CNTLN: variants seen among roughly 807,000 people sequenced by gnomAD.
CNTLN encodes centlein, centrosomal protein.
Under a neutral mutation model 180.0 loss-of-function variants are expected in CNTLN, and 212 were observed. The ratio of observed to expected loss-of-function variants is 1.18; its 90% CI spans 1.05 to 1.32. CNTLN has a LOEUF of 1.32. Ranked by LOEUF, CNTLN falls within the 40% of genes most tolerant of loss-of-function variation. CNTLN has a pLI of 0.00. For missense variants in CNTLN, 2,095 were observed against 1,610.9 expected, an observed-to-expected ratio of 1.30 and a Z score of -5.14; for synonymous variants, 722 against 563.1, an observed-to-expected ratio of 1.28 and a Z score of -3.99.
chr9:17,183,522 A>G (rs1821248669), intron 2 of CNTLN, among the ~76,000 whole-genome samples: 1 of 151,858 alleles, frequency 6.6e-6, no homozygotes, highest in African/African-American at 2.4e-5. Flanking sequence ...ATAAGTGTTT[A>G]AATAGAATTG....
intron 2 of CNTLN, among the ~76,000 whole-genome samples, chr9:17,211,781 A>G (rs1587167168): frequency 2.0e-5 from 3 of 152,160 alleles, no homozygotes; most frequent in Admixed American, 2.0e-4. Context: ...ATCCCTTGTA[A>G]GTTGGATTCC....
At chr9:17,437,177 G>A (rs939760207) in intron 18 of CNTLN, among the ~76,000 whole-genome samples, 4 of 152,190 alleles carry the variant, frequency 2.6e-5, no homozygotes, top group East Asian at 1.9e-4. Flanking sequence ...GGAATTGGAC[G>A]TGACTGTCTT....
intron 5 of CNTLN, among the ~76,000 whole-genome samples, chr9:17,258,327 A>G (rs1256270369): frequency 6.7e-6 from 1 of 148,610 alleles, no homozygotes; most frequent in African/African-American, 2.6e-5. Context: ...GTTCTGTTCC[A>G]TTGATCTATA....
intron 12 of CNTLN, among the ~76,000 whole-genome samples, chr9:17,347,048 T>C (rs1821954184): frequency 6.6e-6 from 1 of 152,228 alleles, no homozygotes; most frequent in African/African-American, 2.4e-5. Context: ...TTTTTAGTTC[T>C]AAAATTTCCA....
At chr9:17,413,971 A>T (rs950024627) in intron 16 of CNTLN, among the ~76,000 whole-genome samples, 1 of 152,226 alleles carries the variant, frequency 6.6e-6, no homozygotes, top group African/African-American at 2.4e-5. Flanking sequence ...ATTCTCTTCA[A>T]TAGCTGAACA....
chr9:17,359,825 G>A (rs1564027522), intron 12 of CNTLN, among the ~76,000 whole-genome samples: 2 of 150,346 alleles, frequency 1.3e-5, no homozygotes, highest in Non-Finnish European at 3.0e-5. Flanking sequence ...GCGTGAACCT[G>A]GGAGGCGGAG....
intron 3 of CNTLN, among the ~76,000 whole-genome samples, chr9:17,235,229 T>C (rs1045511654): frequency 3.9e-5 from 6 of 152,198 alleles, no homozygotes; most frequent in African/African-American, 1.4e-4. Context: ...CTTGCCATTT[T>C]AAAAATTTTA....
intron 2 of CNTLN, among the ~76,000 whole-genome samples, chr9:17,213,173 G>C (rs1003303794): frequency 6.6e-6 from 1 of 152,130 alleles, no homozygotes; most frequent in Admixed American, 6.5e-5. Context: ...GATCTCTTGT[G>C]CTTTCTCCTG....
At chr9:17,434,436 C>T (rs184177714) in intron 18 of CNTLN, among the ~76,000 whole-genome samples, 6 of 152,062 alleles carry the variant, frequency 3.9e-5, no homozygotes, top group Admixed American at 3.3e-4. Context: ...CATTTCATTA[C>T]GTTCTTGCTT....
chr9:17,217,400 C>A (rs1823832300), intron 2 of CNTLN, among the ~76,000 whole-genome samples: 1 of 152,194 alleles, frequency 6.6e-6, no homozygotes, highest in Non-Finnish European at 1.5e-5. Flanking sequence ...CATATCGGAG[C>A]ACAAAATATT....
At chr9:17,440,588 C>CAAAAAAAAAAA (rs35350865) in intron 18 of CNTLN, among the ~76,000 whole-genome samples, 13 of 114,652 alleles carry the variant, frequency 1.1e-4, no homozygotes, top group African/African-American at 4.0e-4. Context: ...GACTCCGTCT[C>CAAAAAAAAAAA]AAAAAAAAAA....
intron 10 of CNTLN, among the ~76,000 whole-genome samples, chr9:17,337,542 A>C (rs1821134104): frequency 6.6e-6 from 1 of 152,220 alleles, no homozygotes; most frequent in Non-Finnish European, 1.5e-5. Context: ...CAGAAGGGGC[A>C]GCATTCACTG....
intron 20 of CNTLN, among the ~76,000 whole-genome samples, chr9:17,464,123 TTTC>T (rs1391548571): frequency 6.6e-6 from 1 of 151,498 alleles, no homozygotes; most frequent in African/African-American, 2.4e-5. Context: ...ATAAGATTTT[TTTC>T]TTATCATTTT....
At chr9:17,239,992 C>T (rs565545416) in intron 5 of CNTLN, among the ~76,000 whole-genome samples, 9 of 152,098 alleles carry the variant, frequency 5.9e-5, no homozygotes, top group East Asian at 1.9e-4. Flanking sequence ...TTTCTTCTGG[C>T]CAAAAAGGCC....
the CNTLN span, among the ~76,000 whole-genome samples, chr9:17,519,153 C>G: frequency 6.7e-6 from 1 of 150,238 alleles, no homozygotes; most frequent in Non-Finnish European, 1.5e-5. Context: ...GTCTCAAACT[C>G]TTGGGCTGAG....
chr9:17,235,973 C>G (rs756584500), intron 4 of CNTLN, among the ~76,000 whole-genome samples, 181 bp downstream of exon 4: 25 of 152,112 alleles, frequency 1.6e-4, no homozygotes, highest in Non-Finnish European at 2.6e-4. Context: ...GCCAGAACTC[C>G]AAGCTTTATA....
At chr9:17,150,797 C>G (rs1474241654) in intron 2 of CNTLN, among the ~76,000 whole-genome samples, 1 of 152,070 alleles carries the variant, frequency 6.6e-6, no homozygotes, top group Admixed American at 6.6e-5. Context: ...GAATTTTTTT[C>G]CATTTGTTTG....
chr9:17,164,826 TTTTC>T (rs907120587), intron 2 of CNTLN, among the ~76,000 whole-genome samples: 4 of 151,218 alleles, frequency 2.6e-5, no homozygotes, highest in African/African-American at 7.3e-5. Context: ...TTTTCTTTTT[TTTTC>T]TTTCTTTCTT....
At chr9:17,376,179 C>T (rs1372525779) in intron 13 of CNTLN, among the ~76,000 whole-genome samples, 1 of 152,096 alleles carries the variant, frequency 6.6e-6, no homozygotes, top group Admixed American at 6.5e-5. Flanking sequence ...CATTTTATGT[C>T]CTACTCTTGC....
Sources: allele counts gnomAD v4.1 joint callset (sites outside exome capture counted in the v4.1 genomes callset), GRCh38; gene constraint gnomAD v4.1.1; transcripts MANE v1.5; gene names NCBI Gene and HGNC (gene_info 2026-07-23, HGNC 2026-07-21).